GIGYF2: variants seen among roughly 807,000 people sequenced by gnomAD.
GIGYF2 encodes GRB10 interacting GYF protein 2, also known as GRB10-interacting GYF protein 2.
GIGYF2 carries 25 observed loss-of-function variants against 208.1 expected under a neutral mutation model. That is an observed-to-expected ratio of 0.12 (90% CI 0.09 to 0.17). The LOEUF (loss-of-function observed/expected upper bound fraction) is 0.17. GIGYF2 is among the 10% of genes least tolerant of loss of function. The probability of loss-of-function intolerance (pLI) is 1.00; values close to 1 mark genes in which losing one functional copy is unlikely to be tolerated. For missense variants in GIGYF2, 1,302 were observed against 1,579.4 expected (o/e 0.82, Z 2.98); for synonymous variants, 534 against 543.8 (o/e 0.98, Z 0.25).
At chr2:232,821,013 A>G (rs538319872) in intron 21 of GIGYF2, among the ~76,000 whole-genome samples, 2 of 151,684 alleles carry the variant, frequency 1.3e-5, no homozygotes, top group East Asian at 3.9e-4. Context: ...TTGTATTTTT[A>G]ATAGAGATGG....
chr2:232,770,381 A>G (rs1318795321), intron 8 of GIGYF2, among the ~76,000 whole-genome samples: 2 of 152,226 alleles, frequency 1.3e-5, no homozygotes. Flanking sequence ...GTGTATACAT[A>G]ACTTGTTCTC....
intron 20 of GIGYF2, 147 bp from the exon 21 acceptor site, chr2:232,819,680 T>C: frequency 1.6e-6 from 1 of 614,084 alleles, no homozygotes; most frequent in South Asian, 2.1e-5. Flanking sequence ...TGTATACTTT[T>C]TACTCCAGAT....
intron 5 of GIGYF2, among the ~76,000 whole-genome samples, chr2:232,751,997 A>G (rs1356584452): frequency 1.3e-5 from 2 of 152,186 alleles, no homozygotes; most frequent in Non-Finnish European, 1.5e-5. Context: ...TATGATAGAA[A>G]TATTTATCTT....
intron 21 of GIGYF2, among the ~76,000 whole-genome samples, chr2:232,822,776 C>A (rs757490924): frequency 6.6e-5 from 10 of 152,186 alleles, no homozygotes; most frequent in Non-Finnish European, 1.2e-4. Context: ...ATCTTATATT[C>A]TGACACCTTG....
At chr2:232,775,188 G>A (rs533754246) in intron 8 of GIGYF2, among the ~76,000 whole-genome samples, 1 of 152,072 alleles carries the variant, frequency 6.6e-6, no homozygotes, top group African/African-American at 2.4e-5. Flanking sequence ...TAACTATTCT[G>A]TGGACTCTTA....
intron 23 of GIGYF2, 62 bp downstream of exon 23, chr2:232,840,033 A>C: frequency 6.6e-7 from 1 of 1,507,876 alleles, no homozygotes; most frequent in South Asian, 1.1e-5. Context: ...AGCATGCATT[A>C]TGGGTTAGTG....
At chr2:232,747,987 G>A (rs1698211235) in intron 4 of GIGYF2, among the ~76,000 whole-genome samples, 1 of 152,164 alleles carries the variant, frequency 6.6e-6, no homozygotes, top group Non-Finnish European at 1.5e-5. Flanking sequence ...GCCTTCTCTA[G>A]CTAACTTCCT....
rs1329280032 is a variant in GIGYF2 at position 232,753,424 on chromosome 2, A to AT, written c.268-2793dup. On this transcript the variant is annotated intron_variant, in intron 5 of 28. Coordinates refer to ENST00000373563, the MANE Select transcript of GIGYF2 (RefSeq NM_001103146.3). ...CAGGCATCTGCCACCATCCTTGGCC[A>AT]TTTTTTGTAATTTTAGTGGAGATGG... Among the ~76,000 whole-genome samples the AT allele has an allele frequency of 5.9e-5, 9 of 151,838 alleles. 1 individual carries two copies. In the East Asian group the frequency reaches 1.4e-3, roughly 23 times the overall value.
chr2:232,835,759 C>T (rs1378187638), intron 22 of GIGYF2, among the ~76,000 whole-genome samples: 6 of 152,128 alleles, frequency 3.9e-5, no homozygotes, highest in African/African-American at 1.4e-4. Context: ...CAGAGTGACT[C>T]CGAGGTGACC....
intron 8 of GIGYF2, among the ~76,000 whole-genome samples, chr2:232,783,374 T>G (rs1699784294): frequency 6.6e-6 from 1 of 152,160 alleles, no homozygotes; most frequent in Non-Finnish European, 1.5e-5. Context: ...TTTTTCTTAT[T>G]TTGTTTATTT....
rs35154227 is a variant in GIGYF2 at position 232,710,692 on chromosome 2, C to CT, written c.-44+7223dup. ...GTGTCACATTTTGGATCTTGGTGTTCTTTTTTTTTTTTTTTTTTTTCTGGA... is the reference window on the plus strand; with the variant it reads ...GTGTCACATTTTGGATCTTGGTGTTCTTTTTTTTTTTTTTTTTTTTTCTGGA... On this transcript the variant is annotated intron_variant, in intron 2 of 28. Coordinates refer to ENST00000373563, the MANE Select transcript of GIGYF2 (RefSeq NM_001103146.3). Among the ~76,000 whole-genome samples the CT allele has an allele frequency of 9.8e-3, 1,117 of 113,928 alleles. 23 individuals are homozygous for CT. Among genetic ancestry groups the CT allele is most frequent in the Admixed American group, 0.051 (540 of 10,646 alleles). 74.7% of individuals were successfully genotyped at this position (113,928 alleles called of 152,430 possible).
intron 6 of GIGYF2, among the ~76,000 whole-genome samples, chr2:232,758,615 CCACCCTAAAGTTTTAGTAT>C: frequency 6.6e-6 from 1 of 152,130 alleles, no homozygotes; most frequent in Admixed American, 6.5e-5. Context: ...GTAGTATGTC[CCACCCTAAAGTTTTAGTAT>C]CATTAGCAGG....
Position 232,747,683 on chromosome 2 carries a change from A to G in GIGYF2, c.110A>G (p.Lys37Arg). The G allele has an allele frequency of 6.2e-7, 1 of 1,613,950 alleles. No homozygotes were observed. The highest frequency in any genetic ancestry group is 8.5e-7 in the Non-Finnish European group (1 of 1,179,834). The change falls in exon 4 of 29, where the codon AAA becomes AGA. Residue 37 changes from lysine to arginine, a missense_variant. This residue lies in a region of GIGYF2 where 27 missense variants were observed against 59.5 expected (regional missense o/e 0.45). Transcript: ENST00000373563. ...CTTTCTCCAGCATTGCCGAAGTATA[A>G]ATTAGCAGATTATCGTTACGGCAGA... ...PPLSPALPKY[K>R]LADYRYGREE...
chr2:232,754,131 C>A (rs11688622), intron 5 of GIGYF2, among the ~76,000 whole-genome samples: 25,118 of 150,776 alleles, frequency 0.17, 2,581 homozygotes, highest in Non-Finnish European at 0.22. Flanking sequence ...TGCCACTGCA[C>A]TCCAGCCTGG....
At chr2:232,800,279 T>G (rs2106373850) in intron 14 of GIGYF2, among the ~76,000 whole-genome samples, 1 of 152,346 alleles carries the variant, frequency 6.6e-6, no homozygotes, top group East Asian at 1.9e-4. Flanking sequence ...ACTTAGATCT[T>G]TGATCCATTT....
At chr2:232,724,292 A>G (rs1028849061) in intron 2 of GIGYF2, among the ~76,000 whole-genome samples, 2 of 147,022 alleles carry the variant, frequency 1.4e-5, no homozygotes, top group African/African-American at 2.5e-5. Flanking sequence ...ACCTGACCTC[A>G]AGTGATCCAC....
intron 6 of GIGYF2, 90 bp from the exon 7 acceptor site, chr2:232,760,390 A>G (rs1341490640): frequency 2.7e-4 from 231 of 841,486 alleles, no homozygotes; most frequent in Non-Finnish European, 3.4e-5. Context: ...CCTTGTATAG[A>G]GATAGAACTT....
Position 232,737,853 on chromosome 2 carries a change from G to A in GIGYF2, c.41+2615G>A, listed in dbSNP as rs561848145. On this transcript the variant is annotated intron_variant, in intron 3 of 28. Coordinates refer to ENST00000373563, the MANE Select transcript of GIGYF2 (RefSeq NM_001103146.3). Reference sequence around the variant, plus strand: ...GTATCTGGGGACAATTGTGAAGATGGGAGAAAATTGAAAATTTTGGTAGGA... The same window carrying A: ...GTATCTGGGGACAATTGTGAAGATGAGAGAAAATTGAAAATTTTGGTAGGA... Among the ~76,000 whole-genome samples the A allele has an allele frequency of 2.0e-5, 3 of 151,900 alleles. No individual in the cohort carries two copies. The South Asian group carries it at 6.2e-4, about 32-fold the overall frequency.
intron 21 of GIGYF2, among the ~76,000 whole-genome samples, chr2:232,832,472 T>G (rs1337857265): frequency 2.0e-5 from 3 of 152,196 alleles, no homozygotes; most frequent in African/African-American, 7.2e-5. Flanking sequence ...GGTGCTTTCA[T>G]GGTAATCAGC....
Sources: gnomAD v4.1 joint callset for allele counts (sites outside exome capture counted in the v4.1 genomes callset) on GRCh38, gnomAD v4.1.1 for gene constraint, gnomAD v4.1.1 regional missense constraint, MANE v1.5 for transcripts, NCBI Gene and HGNC (gene_info 2026-07-23, HGNC 2026-07-21) for gene names.